Variants in BID observed in about 807,000 individuals in gnomAD.
The protein encoded by BID is BH3-interacting domain death agonist.
Under a neutral mutation model 17.4 loss-of-function variants are expected in BID, and 19 were observed. The observed-to-expected ratio is 1.09, with a 90% confidence interval of 0.76 to 1.60. The LOEUF is 1.60. Among genes scored for constraint, BID ranks in the 40% most tolerant of loss-of-function variants. The pLI, the probability that BID is intolerant of heterozygous loss-of-function variation, is 0.00. For synonymous variants in BID, 108 were observed against 102.8 expected (o/e 1.05, Z -0.31); for missense variants, 226 against 256.0 (o/e 0.88, Z 0.80).
chr22:17,773,550 A>C lies in BID; in HGVS notation c.-59+831T>G, dbSNP rs1601889935. ...GTCCATCTGCTCCTCACCTGCCCCA[A>C]CCCTGCCTGCAGGTGAAGGCCGGTC... On this transcript the variant is annotated intron_variant, in intron 1 of 5. Coordinates refer to ENST00000622694, the MANE Select transcript of BID (RefSeq NM_001196.4). This position sits in a 1 kb window ranked among gnomAD's most constrained non-coding sequence, Gnocchi z 4.4. 2 of 1,584,502 alleles carry C rather than the reference A, an allele frequency of 1.3e-6. No individual in the cohort carries two copies. The highest frequency in any genetic ancestry group is 1.7e-6 in the Non-Finnish European group (2 of 1,159,226).
intron 5 of BID, 127 bp downstream of exon 5, chr22:17,737,890 C>G (rs1486047607): frequency 9.9e-7 from 1 of 1,015,146 alleles, no homozygotes; most frequent in Non-Finnish European, 1.5e-6. Flanking sequence ...CAAAACCAAA[C>G]CCGAGCAGGA....
At chr22:17,742,092 G>T (rs1464267561) in intron 3 of BID, among the ~76,000 whole-genome samples, 2 of 152,234 alleles carry the variant, frequency 1.3e-5, no homozygotes, top group Non-Finnish European at 2.9e-5. Flanking sequence ...GTCCAGCCGA[G>T]TGAACGGACT....
intron 3 of BID, chr22:17,739,811 C>T: frequency 1.7e-6 from 1 of 585,794 alleles, no homozygotes. Flanking sequence ...GGCTTCATGG[C>T]TCACACCACA....
intron 1 of BID, among the ~76,000 whole-genome samples, chr22:17,755,411 G>A (rs1183929734): frequency 6.6e-6 from 1 of 152,208 alleles, no homozygotes; most frequent in East Asian, 1.9e-4. Flanking sequence ...TTTGGGTCAG[G>A]GCTGAAGAAT....
At position 17,769,783 on chromosome 22, in the gene BID, C is replaced by A. The variant is rs1015317373; in HGVS notation, c.-59+4598G>T. The stretch of plus-strand genomic sequence containing the variant: ...AGCACCCAAAGCTCAGAGTTCCCAG[C>A]TGAACCCAGGAGGCACCCACCTTCC... On this transcript the variant is annotated intron_variant, in intron 1 of 5. Transcript: ENST00000622694. This position sits in a 1 kb window ranked among gnomAD's most constrained non-coding sequence, Gnocchi z 4.8. Among the ~76,000 whole-genome samples, 17 of 152,194 alleles carry A rather than the reference C, an allele frequency of 1.1e-4. No individual in the cohort carries two copies. The highest frequency in any genetic ancestry group is 9.8e-4 in the Admixed American group (15 of 15,276).
intron 1 of BID, among the ~76,000 whole-genome samples, chr22:17,771,758 T>C (rs5992824): frequency 0.021 from 3,256 of 152,282 alleles, 107 homozygotes; most frequent in African/African-American, 0.073. Flanking sequence ...AGGCAGGCTG[T>C]GTTGGGGCTG....
intron 5 of BID, among the ~76,000 whole-genome samples, chr22:17,735,800 C>T (rs897533000): frequency 6.6e-6 from 1 of 152,042 alleles, no homozygotes; most frequent in Non-Finnish European, 1.5e-5. Flanking sequence ...GTATTCACAT[C>T]TCCAAGGCAC....
chr22:17,770,028 C>T (rs773118486), intron 1 of BID, among the ~76,000 whole-genome samples: 15 of 152,140 alleles, frequency 9.9e-5, no homozygotes, highest in African/African-American at 1.4e-4. Flanking sequence ...CAGGGCCCTT[C>T]GTGCCACTGG....
In BID at chr22:17,750,194, G is replaced by T; in HGVS notation, c.-58-20C>A. 6.2e-7 allele frequency: 1 copy of T among 1,602,700 alleles called. No homozygotes were observed. Among genetic ancestry groups the T allele is most frequent in the East Asian group, 2.3e-5 (1 of 44,384 alleles). ...GGCGACCTGGAAAGGGACACACAGA[G>T]TGGGCGGCCGCTCCTGGGAAGCCCT... On this transcript the variant is annotated intron_variant, in intron 1 of 5. Coordinates refer to ENST00000622694, the MANE Select transcript of BID (RefSeq NM_001196.4).
intron 1 of BID, chr22:17,764,355 A>G (rs545917355): frequency 6.5e-6 from 1 of 153,666 alleles, no homozygotes; most frequent in African/African-American, 2.4e-5. Context: ...GGGAAAGGAG[A>G]AAGAGCCCTA....
At position 17,735,352 on chromosome 22, in the gene BID, G is replaced by C. The variant is rs544643787; in HGVS notation, c.*228C>G. The C allele has an allele frequency of 1.9e-5, 11 of 565,822 alleles. No homozygotes were observed. The South Asian group carries it at 2.4e-4, about 13-fold the overall frequency. 35.1% of individuals were successfully genotyped at this position (565,822 alleles called of 1,614,324 possible). A position where few individuals can be genotyped will look rare whatever the true frequency, so the allele number is the denominator to read the frequency against. On this transcript the variant is annotated 3_prime_UTR_variant, in exon 6 of 6. Transcript: ENST00000622694. ...AGATTCATGTGTGGATGATATGAAG[G>C]CCATTCAAATACGTGTAAATGGACA...
At chr22:17,764,737 G>A (rs1302935615) in intron 1 of BID, among the ~76,000 whole-genome samples, 2 of 152,188 alleles carry the variant, frequency 1.3e-5, no homozygotes, top group Non-Finnish European at 2.9e-5. Flanking sequence ...TCCTGGGATC[G>A]GTTGGGGAGT....
chr22:17,748,870 G>A (rs2061515927), intron 2 of BID, among the ~76,000 whole-genome samples: 1 of 152,260 alleles, frequency 6.6e-6, no homozygotes, highest in South Asian at 2.1e-4. Flanking sequence ...GGCACCCAGA[G>A]TGGTCTTTTG....
intron 2 of BID, among the ~76,000 whole-genome samples, chr22:17,745,387 T>C (rs1031783304): frequency 6.6e-6 from 1 of 152,090 alleles, no homozygotes; most frequent in African/African-American, 2.4e-5. Flanking sequence ...TTTTAATGCT[T>C]TGCTAGGTGA....
intron 1 of BID, among the ~76,000 whole-genome samples, chr22:17,770,301 A>G (rs549962493): frequency 7.3e-4 from 111 of 152,142 alleles, no homozygotes; most frequent in African/African-American, 2.7e-3. Flanking sequence ...ATGTGATCTC[A>G]CCTTCCCCGT....
chr22:17,739,735 G>A (rs373163962), intron 3 of BID: 44 of 587,274 alleles, frequency 7.5e-5, no homozygotes, highest in African/African-American at 5.0e-4. Context: ...CAGGCACCAC[G>A]TCCCCACAGG....
intron 1 of BID, among the ~76,000 whole-genome samples, chr22:17,763,664 T>G (rs545881024): frequency 2.6e-5 from 4 of 151,910 alleles, no homozygotes; most frequent in Non-Finnish European, 4.4e-5. Context: ...ACCATAGCCT[T>G]CACAGCCACT....
chr22:17,758,808 T>C (rs2061612481), intron 1 of BID, among the ~76,000 whole-genome samples: 1 of 152,160 alleles, frequency 6.6e-6, no homozygotes, highest in Admixed American at 6.6e-5. Flanking sequence ...GTTCTGGAGA[T>C]GGTTGGTGGT....
At chr22:17,774,526 GC>G, upstream of BID, 1 of 161,886 alleles carries the variant, frequency 6.2e-6, no homozygotes, top group Non-Finnish European at 1.3e-5. Flanking sequence ...GCCCCGGCCC[GC>G]CCCGGCCCGC....
Sources: gnomAD v4.1 joint callset for allele counts (sites outside exome capture counted in the v4.1 genomes callset) on GRCh38, gnomAD v4.1.1 for gene constraint, Gnocchi (gnomAD v3.1) non-coding constraint, MANE v1.5 for transcripts, NCBI Gene and HGNC (gene_info 2026-07-23, HGNC 2026-07-21) for gene names.